Variants in EDAR observed in about 807,000 individuals in gnomAD.
The protein encoded by EDAR is ectodysplasin A receptor, also known as tumor necrosis factor receptor superfamily member EDAR.
A neutral mutation model predicts 51.3 loss-of-function variants in EDAR; 38 were observed. The observed-to-expected ratio is 0.74, with a 90% CI of 0.57 to 0.97. The LOEUF is 0.97. EDAR is among the 50% of genes least tolerant of loss of function. EDAR has a pLI of 0.00. For missense variants in EDAR, 528 were observed against 595.0 expected, an observed-to-expected ratio of 0.89 and a Z score of 1.17; for synonymous variants, 227 against 242.1, an observed-to-expected ratio of 0.94 and a Z score of 0.58.
At chr2:108,943,922 C>A (rs1237563755) in intron 1 of EDAR, among the ~76,000 whole-genome samples, 2 of 152,156 alleles carry the variant, frequency 1.3e-5, no homozygotes, top group Non-Finnish European at 2.9e-5. Flanking sequence ...ACGTTGCTTC[C>A]AAAACAGGGA....
chr2:108,953,667 C>T (rs536414748), intron 1 of EDAR, among the ~76,000 whole-genome samples: 108 of 152,070 alleles, frequency 7.1e-4, no homozygotes, highest in African/African-American at 2.4e-3. Context: ...CTGTCATTGT[C>T]GGATGGATGT....
intron 4 of EDAR, among the ~76,000 whole-genome samples, chr2:108,926,472 G>A (rs553086080): frequency 2.6e-5 from 4 of 152,294 alleles, no homozygotes; most frequent in Admixed American, 2.0e-4. Flanking sequence ...TGTAAGGGAC[G>A]CCGCAGATTC....
At chr2:108,913,942 TC>T (rs1696980364) in intron 5 of EDAR, among the ~76,000 whole-genome samples, 1 of 83,666 alleles carries the variant, frequency 1.2e-5, no homozygotes, top group Non-Finnish European at 2.4e-5. Flanking sequence ...ACAGTGCGAT[TC>T]CGTCTCAAAA....
chr2:108,911,703 C>T (rs896988782), intron 6 of EDAR, among the ~76,000 whole-genome samples: 1 of 152,156 alleles, frequency 6.6e-6, no homozygotes. Context: ...TTCTCATTCT[C>T]TAAAATAACC....
intron 1 of EDAR, among the ~76,000 whole-genome samples, chr2:108,972,710 C>A (rs1253103286): frequency 1.3e-5 from 2 of 152,248 alleles, no homozygotes; most frequent in East Asian, 3.8e-4. Flanking sequence ...AAATAAGCAG[C>A]CCTCATCTGA....
Position 108,914,853 on chromosome 2 carries a change from A to C in EDAR, c.443-2089T>G, listed in dbSNP as rs541128545. Among the ~76,000 whole-genome samples, 21 of 152,338 alleles carry C rather than the reference A, an allele frequency of 1.4e-4. 1 individual carries two copies. In the South Asian group the frequency reaches 4.4e-3, roughly 32 times the overall value. ...GCCCAGCCCAGTGGAATGGCCCAGCACTGTGCCTGGTCAGCCCATGCAGCA... is the reference window on the plus strand; with the variant it reads ...GCCCAGCCCAGTGGAATGGCCCAGCCCTGTGCCTGGTCAGCCCATGCAGCA... On this transcript the variant is annotated intron_variant, in intron 5 of 11. Coordinates refer to ENST00000258443, the MANE Select transcript of EDAR (RefSeq NM_022336.4).
chr2:108,975,183 GCAGTC>G (rs1414151375), intron 1 of EDAR, among the ~76,000 whole-genome samples: 1 of 152,220 alleles, frequency 6.6e-6, no homozygotes, highest in Non-Finnish European at 1.5e-5. Context: ...TCCAGGAGCT[GCAGTC>G]CAGCCTGTGT....
chr2:108,931,098 TA>T (rs1697358810), intron 1 of EDAR, 66 bp from the exon 2 acceptor site: 1 of 1,332,442 alleles, frequency 7.5e-7, no homozygotes, highest in African/African-American at 1.4e-5. Context: ...TGGCTACCTT[TA>T]TTTAACCCCA....
intron 1 of EDAR, among the ~76,000 whole-genome samples, chr2:108,975,773 CCAGGCTCCGTGCG>C: frequency 6.6e-6 from 1 of 152,118 alleles, no homozygotes; most frequent in Non-Finnish European, 1.5e-5. Flanking sequence ...GCACTGTCGG[CCAGGCTCCGTGCG>C]GCATCAGGAT....
chr2:108,910,383 G>T (rs970642832), intron 9 of EDAR, 77 bp downstream of exon 9: 61 of 1,214,698 alleles, frequency 5.0e-5, no homozygotes, highest in Non-Finnish European at 7.2e-6. Context: ...AGTTCACTCG[G>T]CTGCACCCTG....
At chr2:108,958,735 A>G (rs75813103) in intron 1 of EDAR, among the ~76,000 whole-genome samples, 1 of 152,146 alleles carries the variant, frequency 6.6e-6, no homozygotes, top group Non-Finnish European at 1.5e-5. Context: ...GGCCCAGGAG[A>G]CCTAAAGCTC....
intron 9 of EDAR, among the ~76,000 whole-genome samples, chr2:108,909,682 G>A (rs11123717): frequency 0.5 from 76,142 of 152,146 alleles, 23,444 homozygotes; most frequent in East Asian, 0.89. Flanking sequence ...TGGAAGCTAC[G>A]CAGGACCAAG....
intron 10 of EDAR, 127 bp from the exon 11 acceptor site, chr2:108,906,495 G>T (rs1001585061): frequency 4.2e-6 from 4 of 959,568 alleles, no homozygotes; most frequent in South Asian, 2.7e-5. Context: ...CACAGCCCCC[G>T]TGTCAGCAGC....
At chr2:108,900,115 C>T (rs1327165613) in intron 11 of EDAR, among the ~76,000 whole-genome samples, 2 of 151,992 alleles carry the variant, frequency 1.3e-5, no homozygotes, top group Non-Finnish European at 2.9e-5. Context: ...ACACCAAAAT[C>T]GAATTCTGAA....
At chr2:108,979,808 G>T (rs1400097855) in intron 1 of EDAR, among the ~76,000 whole-genome samples, 1 of 152,126 alleles carries the variant, frequency 6.6e-6, no homozygotes, top group Non-Finnish European at 1.5e-5. Context: ...TCTTCACTTT[G>T]GCCATCTGAC....
chr2:108,956,357 C>T (rs370268668), intron 1 of EDAR, among the ~76,000 whole-genome samples: 1 of 152,192 alleles, frequency 6.6e-6, no homozygotes, highest in Non-Finnish European at 1.5e-5. Flanking sequence ...TCCTCTAAAA[C>T]TTGGAGATGA....
At chr2:108,908,890 C>A (rs895247787) in intron 9 of EDAR, among the ~76,000 whole-genome samples, 10 of 152,048 alleles carry the variant, frequency 6.6e-5, no homozygotes, top group African/African-American at 2.2e-4. Context: ...ACAATGAGAA[C>A]CATCATGAAG....
At chr2:108,909,519 C>A (rs1696875495) in intron 9 of EDAR, among the ~76,000 whole-genome samples, 1 of 152,232 alleles carries the variant, frequency 6.6e-6, no homozygotes, top group South Asian at 2.1e-4. Context: ...AGTTTGGTGA[C>A]CTTCTGGTGG....
chr2:108,904,479 T>G (rs2105385853), intron 11 of EDAR, among the ~76,000 whole-genome samples: 1 of 152,346 alleles, frequency 6.6e-6, no homozygotes, highest in South Asian at 2.1e-4. Context: ...CCCAGATAAA[T>G]CACGACTGAT....
Sources: gnomAD v4.1 joint callset for allele counts (sites outside exome capture counted in the v4.1 genomes callset) on GRCh38, gnomAD v4.1.1 for gene constraint, MANE v1.5 for transcripts, NCBI Gene and HGNC (gene_info 2026-07-23, HGNC 2026-07-21) for gene names.